Variants in TNK2 observed in about 807,000 individuals in gnomAD.
The protein encoded by TNK2 is activated CDC42 kinase 1.
Under a neutral mutation model 101.8 loss-of-function variants are expected in TNK2, and 83 were observed. The observed-to-expected ratio is 0.82, with a 90% confidence interval of 0.68 to 0.98. The LOEUF (loss-of-function observed/expected upper bound fraction) is 0.98. Among genes scored for constraint, TNK2 ranks in the 50% least tolerant of loss-of-function variants. The pLI, the probability that TNK2 is intolerant of heterozygous loss-of-function variation, is 0.00. For missense variants in TNK2, 1,665 were observed against 1,483.2 expected (o/e 1.12, Z -2.01); for synonymous variants, 804 against 633.0 (o/e 1.27, Z -4.06).
chr3:195,864,885 G>A (rs1345976679), intron 15 of TNK2, among the ~76,000 whole-genome samples: 1 of 134,098 alleles, frequency 7.5e-6, no homozygotes, highest in Non-Finnish European at 1.6e-5. Context: ...GCAAGTGCCT[G>A]CGTCCCGGGT....
Position 195,867,449 on chromosome 3 carries a change from G to A in TNK2, c.2849C>T (p.Pro950Leu), listed in dbSNP as rs1399341865. ...TNNSNPGARP[P>L]PPRATARLPQ... is the part of the protein sequence containing the mutation. ...CAGCCGAGCAGTGGCCCTCGGGGGT[G>A]GTGGCCGGGCCCCTGGGTTGCTGTT... Residue 950 changes from proline (P) to leucine (L), a missense_variant, in exon 13 of 16, where the codon CCA becomes CTA. Coordinates refer to ENST00000672887, the MANE Select transcript of TNK2 (RefSeq NM_001382273.1). 1.3e-6 allele frequency: 2 copies of A among 1,593,640 alleles called. No homozygotes were observed. The highest frequency in any genetic ancestry group is 1.7e-6 in the Non-Finnish European group (2 of 1,176,310).
At chr3:195,908,102 G>A (rs1761929825) in intron 1 of TNK2, 1 of 152,436 alleles carries the variant, frequency 6.6e-6, no homozygotes, top group African/African-American at 2.4e-5. Flanking sequence ...GACGTGTTTT[G>A]AGGACTTGTG....
Position 195,884,861 on chromosome 3 carries a change from G to T in TNK2, c.407C>A (p.Ser136Tyr). 6.2e-7 allele frequency: 1 copy of T among 1,613,608 alleles called. No individual in the cohort carries two copies. Among genetic ancestry groups the T allele is most frequent in the Non-Finnish European group, 8.5e-7 (1 of 1,179,976 alleles). The change falls in exon 4 of 16, where the codon TCC (serine) becomes TAC (tyrosine). Residue 136 changes from serine to tyrosine, a missense_variant. By Grantham distance (144) the Ser-to-Tyr change is moderately radical. Transcript: ENST00000672887. ...LRLLEKLGDG[S>Y]FGVVRRGEWD... ...CTCGCCCCTGCGCACCACGCCAAAG[G>T]AACCATCACCCAGCTTCTCCAGGAG...
intron 1 of TNK2, among the ~76,000 whole-genome samples, chr3:195,902,856 T>C (rs1011070803): frequency 6.6e-6 from 1 of 151,624 alleles, no homozygotes; most frequent in Non-Finnish European, 1.5e-5. Flanking sequence ...TTCAAGCGAT[T>C]CTTGTGCCTC....
intron 1 of TNK2, among the ~76,000 whole-genome samples, chr3:195,891,594 C>T (rs1250211667): frequency 1.3e-5 from 2 of 152,152 alleles, no homozygotes; most frequent in Non-Finnish European, 2.9e-5. Context: ...AGTCACGGGC[C>T]TAGGCAGCGT....
rs778967439 is a variant in TNK2 at position 195,882,399 on chromosome 3, C to T, written c.610-71G>A. 8.2e-6 allele frequency: 13 copies of T among 1,590,432 alleles called. No homozygotes were observed. Among genetic ancestry groups the T allele is most frequent in the Admixed American group, 1.7e-5 (1 of 57,354 alleles). On this transcript the variant is annotated intron_variant, in intron 5 of 15. Coordinates refer to ENST00000672887, the MANE Select transcript of TNK2 (RefSeq NM_001382273.1). This position sits in a 1 kb window ranked among gnomAD's most constrained non-coding sequence, Gnocchi z 4.2. Reference sequence around the variant, plus strand: ...CCCTTCTCAGCAGCCCACGCTGGGCCCCCAGTCCCCTTCCTGAAGGCTTTC... The same window carrying T: ...CCCTTCTCAGCAGCCCACGCTGGGCTCCCAGTCCCCTTCCTGAAGGCTTTC...
At position 195,884,997 on chromosome 3, in the gene TNK2, G is replaced by A. The variant is rs1754967285; in HGVS notation, c.271C>T (p.Pro91Ser). 1.9e-6 allele frequency: 3 copies of A among 1,608,402 alleles called. No individual in the cohort carries two copies. Among genetic ancestry groups the A allele is most frequent in the South Asian group, 2.2e-5 (2 of 90,814 alleles). The part of the protein sequence containing the change: ...SGKRLEAEFP[P>S]HHSQSTFRKT... ...CGGAAGGTGCTCTGAGAGTGATGAGGTGGGAACTCAGCCTCCAGTCGCTTT... is the reference window on the plus strand; with the variant it reads ...CGGAAGGTGCTCTGAGAGTGATGAGATGGGAACTCAGCCTCCAGTCGCTTT... The change falls in exon 4 of 16, where the codon CCT becomes TCT. Residue 91 changes from proline to serine, a missense_variant. Transcript: ENST00000672887.
chr3:195,889,726 A>G (rs1757590917), intron 1 of TNK2, among the ~76,000 whole-genome samples: 1 of 152,200 alleles, frequency 6.6e-6, no homozygotes, highest in South Asian at 2.1e-4. Flanking sequence ...GGGCCCAGAT[A>G]AAGAAGCTGG....
At position 195,878,229 on chromosome 3, in the gene TNK2, G is replaced by C. The variant is rs12233585; in HGVS notation, c.1256+24C>G. Reference sequence around the variant, plus strand: ...TGTGCCCTTCAAGCGATCCCAGGGCGGGGCCCAGCCCTGCACTCCCTACCT... The same window carrying C: ...TGTGCCCTTCAAGCGATCCCAGGGCCGGGCCCAGCCCTGCACTCCCTACCT... On this transcript the variant is annotated intron_variant, in intron 9 of 15. Transcript: ENST00000672887. The surrounding 1 kb of genome is among the most constrained non-coding windows in gnomAD (Gnocchi z 4.7). The C allele has an allele frequency of 1.2e-6, 2 of 1,609,172 alleles. No homozygotes were observed. Among genetic ancestry groups the C allele is most frequent in the East Asian group, 4.5e-5 (2 of 44,850 alleles).
chr3:195,877,327 G>A (rs1028307008), intron 9 of TNK2, among the ~76,000 whole-genome samples: 3 of 152,064 alleles, frequency 2.0e-5, no homozygotes, highest in Admixed American at 6.6e-5. Context: ...TCGGGGTGTC[G>A]GGGCCACAGC....
chr3:195,882,596 G>T lies in TNK2; in HGVS notation c.610-268C>A. On this transcript the variant is annotated intron_variant, in intron 5 of 15. Transcript: ENST00000672887. The surrounding 1 kb of genome is among the most constrained non-coding windows in gnomAD (Gnocchi z 4.2). ...AACTCAGCTGGACGTGGTGGCTCAC[G>T]CCTGTAATCCCAGCACTTTGGGAGG... 1 of 1,389,230 alleles carries T rather than the reference G, an allele frequency of 7.2e-7. No homozygotes were observed. The highest frequency in any genetic ancestry group is 2.1e-5 in the Admixed American group (1 of 48,530). 86.1% of individuals were successfully genotyped at this position (1,389,230 alleles called of 1,614,324 possible).
At chr3:195,900,768 A>G (rs989683797) in intron 1 of TNK2, among the ~76,000 whole-genome samples, 1 of 152,198 alleles carries the variant, frequency 6.6e-6, no homozygotes, top group African/African-American at 2.4e-5. Context: ...CTGTCACGGC[A>G]CGGGGGCCCA....
chr3:195,907,044 C>T (rs1761796052), intron 1 of TNK2, among the ~76,000 whole-genome samples: 1 of 152,188 alleles, frequency 6.6e-6, no homozygotes, highest in African/African-American at 2.4e-5. Context: ...AGCGATATAA[C>T]CAGATCAAAA....
At chr3:195,869,463 C>A in intron 12 of TNK2, 34 bp downstream of exon 12, 1 of 1,524,340 alleles carries the variant, frequency 6.6e-7, no homozygotes, top group South Asian at 1.2e-5. Flanking sequence ...GGGGCGGGGG[C>A]GGGGGCCAAG....
chr3:195,886,963 A>G lies in TNK2; in HGVS notation c.234+14T>C. ...CTGCCCCCCTCCCACCTCCTCACCC[A>G]CCTCCTCACCCACCTTACTCATCCA... On this transcript the variant is annotated intron_variant, in intron 3 of 15. Transcript: ENST00000672887. This position sits in a 1 kb window ranked among gnomAD's most constrained non-coding sequence, Gnocchi z 4.2. 1 of 1,494,248 alleles carries G rather than the reference A, an allele frequency of 6.7e-7. No homozygotes were observed. Among genetic ancestry groups the G allele is most frequent in the Non-Finnish European group, 9.2e-7 (1 of 1,090,350 alleles). The allele number at this position is 1,494,248 out of a possible 1,614,324, so 92.6% of individuals were successfully genotyped here.
Position 195,886,838 on chromosome 3 carries a change from GA to G in TNK2, c.234+138del. 1 of 897,270 alleles carries G rather than the reference GA, an allele frequency of 1.1e-6. No individual in the cohort carries two copies. Among genetic ancestry groups the G allele is most frequent in the Non-Finnish European group, 1.8e-6 (1 of 543,614 alleles). The allele number at this position is 897,270 out of a possible 1,614,324, so 55.6% of individuals were successfully genotyped here. A position where few individuals can be genotyped will look rare whatever the true frequency, so the allele number is the denominator to read the frequency against. Reference sequence around the variant, plus strand: ...TGCCCTGCCCGATAAGACCCTGGACGAGGGGGTCCTGTACAAAGTGCCGGCA... The same window carrying G: ...TGCCCTGCCCGATAAGACCCTGGACGGGGGGTCCTGTACAAAGTGCCGGCA... On this transcript the variant is annotated intron_variant, in intron 3 of 15. Coordinates refer to ENST00000672887, the MANE Select transcript of TNK2 (RefSeq NM_001382273.1). This position sits in a 1 kb window ranked among gnomAD's most constrained non-coding sequence, Gnocchi z 4.2.
intron 2 of TNK2, among the ~76,000 whole-genome samples, chr3:195,887,962 G>GCA (rs1560528977): frequency 8.4e-6 from 1 of 119,190 alleles, no homozygotes; most frequent in African/African-American, 2.9e-5. Context: ...CTGCGTGTGT[G>GCA]TGTGTGTGTG....
At position 195,885,376 on chromosome 3, in the gene TNK2, T is replaced by C; in HGVS notation, c.235-343A>G. The C allele has an allele frequency of 6.2e-6, 6 of 975,302 alleles. No homozygotes were observed. Among genetic ancestry groups the C allele is most frequent in the Non-Finnish European group, 5.8e-6 (4 of 694,236 alleles). The allele number at this position is 975,302 out of a possible 1,614,324, so 60.4% of individuals were successfully genotyped here. Reference sequence around the variant, plus strand: ...CCTCCCAGTCCTGCCCCACCCTCCCTTCCTGCACCCGCCACCCCGCAGACT... The same window carrying C: ...CCTCCCAGTCCTGCCCCACCCTCCCCTCCTGCACCCGCCACCCCGCAGACT... On this transcript the variant is annotated intron_variant, in intron 3 of 15. Coordinates refer to ENST00000672887, the MANE Select transcript of TNK2 (RefSeq NM_001382273.1). This position sits in a 1 kb window ranked among gnomAD's most constrained non-coding sequence, Gnocchi z 4.7.
chr3:195,881,969 C>T, intron 6 of TNK2, 82 bp downstream of exon 6: 1 of 1,509,846 alleles, frequency 6.6e-7, no homozygotes, highest in South Asian at 1.3e-5. Context: ...AAACCAGGGG[C>T]TGTGGTGGGT....
Sources: allele counts gnomAD v4.1 joint callset (sites outside exome capture counted in the v4.1 genomes callset), GRCh38; gene constraint gnomAD v4.1.1; non-coding constraint Gnocchi (gnomAD v3.1); transcripts MANE v1.5; gene names NCBI Gene and HGNC (gene_info 2026-07-23, HGNC 2026-07-21).